The following CCDC196 variants were observed in gnomAD, a reference collection of about 807,000 sequenced individuals.
The protein encoded by CCDC196 is coiled-coil domain-containing protein 196.
At chr14:66,492,428 C>T (rs373697871) in intron 8 of CCDC196, among the ~76,000 whole-genome samples, 4 of 151,794 alleles carry the variant, frequency 2.6e-5, no homozygotes, top group South Asian at 4.2e-4. Context: ...CTCTGCCTCC[C>T]GGGTCCCAGT....
At chr14:66,492,636 G>A (rs373823106) in intron 8 of CCDC196, among the ~76,000 whole-genome samples, 190 of 152,156 alleles carry the variant, frequency 1.2e-3, no homozygotes, top group African/African-American at 4.1e-3. Flanking sequence ...CACCACGCCC[G>A]GCCTATCATC....
At chr14:66,495,979 A>G (rs946935312) in intron 8 of CCDC196, among the ~76,000 whole-genome samples, 3 of 152,142 alleles carry the variant, frequency 2.0e-5, no homozygotes, top group African/African-American at 7.2e-5. Context: ...TTCCTCCACA[A>G]TCCTTGTAGA....
At chr14:66,494,655 CA>C (rs2057620349) in intron 8 of CCDC196, 1 of 151,930 alleles carries the variant, frequency 6.6e-6, no homozygotes, top group East Asian at 1.9e-4. Context: ...ACACAAAAAA[CA>C]AGATTTTAAT....
Position 66,498,104 on chromosome 14 carries a change from C to G in CCDC196, c.716-5C>G. Reference sequence around the variant, plus strand: ...AGCTCTTATTTTCCTAATGTTTCCCCTTAGGTACTATGGGCATTACAACTA... The same window carrying G: ...AGCTCTTATTTTCCTAATGTTTCCCGTTAGGTACTATGGGCATTACAACTA... On this transcript the variant is annotated splice_region_variant and splice_polypyrimidine_tract_variant and intron_variant, in intron 8 of 9. Coordinates refer to ENST00000636229, the MANE Select transcript of CCDC196 (RefSeq NM_001351576.1). 1 of 410,776 alleles carries G rather than the reference C, an allele frequency of 2.4e-6. No individual in the cohort carries two copies. Among genetic ancestry groups the G allele is most frequent in the Non-Finnish European group, 4.4e-6 (1 of 225,312 alleles). The allele number at this position is 410,776 out of a possible 1,614,324, so 25.4% of individuals were successfully genotyped here.
intron 9 of CCDC196, 26 bp downstream of exon 9, chr14:66,498,193 C>A: frequency 2.4e-6 from 1 of 412,486 alleles, no homozygotes; most frequent in Non-Finnish European, 4.4e-6. Context: ...TTTAAACAAA[C>A]AAAAAATCGT....
intron 8 of CCDC196, chr14:66,494,682 A>G (rs936722132): frequency 2.6e-5 from 4 of 152,238 alleles, no homozygotes; most frequent in African/African-American, 9.6e-5. Flanking sequence ...AGAAAAATAC[A>G]TAAGCCTGAG....
chr14:66,487,834 C>A (rs1311708035), intron 2 of CCDC196, among the ~76,000 whole-genome samples: 1 of 152,112 alleles, frequency 6.6e-6, no homozygotes, highest in East Asian at 1.9e-4. Context: ...ATAAAGGGGG[C>A]AGAATTACCC....
At chr14:66,492,582 C>T (rs960876966) in intron 8 of CCDC196, among the ~76,000 whole-genome samples, 9 of 152,036 alleles carry the variant, frequency 5.9e-5, no homozygotes, top group Admixed American at 2.6e-4. Flanking sequence ...CCTCGTGATC[C>T]ACCTGCCTTG....
intron 4 of CCDC196, among the ~76,000 whole-genome samples, chr14:66,490,003 CT>C (rs796781941): frequency 3.3e-5 from 5 of 151,388 alleles, no homozygotes; most frequent in Non-Finnish European, 7.4e-5. Context: ...TGATCTCTGT[CT>C]TTTTTTTTCA....
chr14:66,496,666 C>G (rs1219712932), intron 8 of CCDC196: 2 of 211,416 alleles, frequency 9.5e-6, no homozygotes, highest in African/African-American at 4.6e-5. Context: ...TCTTAGAGAG[C>G]ACAGGTGCTA....
chr14:66,492,632 G>A (rs1001651768), intron 8 of CCDC196, among the ~76,000 whole-genome samples: 3 of 152,226 alleles, frequency 2.0e-5, no homozygotes, highest in Non-Finnish European at 2.9e-5. Context: ...GAGCCACCAC[G>A]CCCGGCCTAT....
intron 8 of CCDC196, among the ~76,000 whole-genome samples, chr14:66,494,209 T>A (rs376811566): frequency 6.6e-6 from 1 of 152,260 alleles, no homozygotes; most frequent in Non-Finnish European, 1.5e-5. Flanking sequence ...ATGTGTTAAA[T>A]TGATTCTGCA....
At chr14:66,488,593 G>T (rs991301779) in intron 3 of CCDC196, among the ~76,000 whole-genome samples, 2 of 152,016 alleles carry the variant, frequency 1.3e-5, no homozygotes, top group African/African-American at 2.4e-5. Context: ...TAAAAGAAAA[G>T]AAATAGTTTG....
chr14:66,491,652 G>A lies in CCDC196; in HGVS notation c.540G>A (p.Trp180Ter). The change falls in exon 7 of 10, where the codon TGG becomes TGA. Residue 180 changes from tryptophan to a stop codon, truncating the protein, a stop_gained. Transcript: ENST00000636229. LOFTEE classifies it high-confidence loss of function. ...RKEKQQRKME[W>*]VKYQEQNNIL... ...AAAAGCAACAGAGGAAAATGGAATG[G>A]GTCAAGTATCAGGAACAAAATAACA... 1 of 413,910 alleles carries A rather than the reference G, an allele frequency of 2.4e-6. No homozygotes were observed. The highest frequency in any genetic ancestry group is 4.4e-6 in the Non-Finnish European group (1 of 226,236). 25.6% of individuals were successfully genotyped at this position (413,910 alleles called of 1,614,324 possible).
intron 4 of CCDC196, among the ~76,000 whole-genome samples, chr14:66,489,500 A>G (rs2057488710): frequency 6.6e-6 from 1 of 152,142 alleles, no homozygotes. Context: ...TGCTCCATCT[A>G]AAGTAGGGCA....
chr14:66,496,315 C>T (rs1474662048), intron 8 of CCDC196: 1 of 456,130 alleles, frequency 2.2e-6, no homozygotes, highest in Non-Finnish European at 4.4e-6. Context: ...TGCTGGTTGG[C>T]TGAGTTGCAG....
chr14:66,488,238 G>A lies in CCDC196; in HGVS notation c.282G>A (p.Glu94=), dbSNP rs970760581. The A allele has an allele frequency of 1.8e-4, 74 of 413,010 alleles. No individual in the cohort carries two copies. Among genetic ancestry groups the A allele is most frequent in the African/African-American group, 1.5e-3 (72 of 48,632 alleles). The allele number at this position is 413,010 out of a possible 1,614,324, so 25.6% of individuals were successfully genotyped here. The part of the protein sequence containing the change: ...SSVMELLKEA[E]EMKQNLERKN... Reference sequence around the variant, plus strand: ...TCATGGAGCTCCTTAAGGAAGCAGAGGAGATGAAACAGAACTTGGTAAGAA... The same window carrying A: ...TCATGGAGCTCCTTAAGGAAGCAGAAGAGATGAAACAGAACTTGGTAAGAA... Residue 94 remains glutamate, a synonymous_variant, in exon 3 of 10, where the codon GAG becomes GAA. Coordinates refer to ENST00000636229, the MANE Select transcript of CCDC196 (RefSeq NM_001351576.1).
In CCDC196 at chr14:66,486,642, T is replaced by C. The variant is rs1218475339; in HGVS notation, c.51-15T>C. On this transcript the variant is annotated splice_polypyrimidine_tract_variant and intron_variant, in intron 1 of 9. Transcript: ENST00000636229. Reference sequence around the variant, plus strand: ...CCCAGGCTAAAGGCAGATATTATTGTGCCTCTTCCCACAGAAGTTCTAAAA... The same window carrying C: ...CCCAGGCTAAAGGCAGATATTATTGCGCCTCTTCCCACAGAAGTTCTAAAA... The C allele has an allele frequency of 2.4e-6, 1 of 413,446 alleles. No individual in the cohort carries two copies. Among genetic ancestry groups the C allele is most frequent in the East Asian group, 3.6e-5 (1 of 28,068 alleles). 25.6% of individuals were successfully genotyped at this position (413,446 alleles called of 1,614,324 possible).
At position 66,492,250 on chromosome 14, in the gene CCDC196, T is replaced by A. The variant is rs1415140907; in HGVS notation, c.715+56T>A. The A allele has an allele frequency of 9.7e-5, 40 of 412,446 alleles. No individual in the cohort carries two copies. The East Asian group carries it at 1.4e-3, about 14-fold the overall frequency. 25.5% of individuals were successfully genotyped at this position (412,446 alleles called of 1,614,324 possible). On this transcript the variant is annotated intron_variant, in intron 8 of 9. Coordinates refer to ENST00000636229, the MANE Select transcript of CCDC196 (RefSeq NM_001351576.1). ...AGGTTTTGTTTTGTTTATTTTATAT[T>A]GGAGACCTTTACTTGTAAAGTGAGC...
Sources: gnomAD v4.1 joint callset for allele counts (sites outside exome capture counted in the v4.1 genomes callset) on GRCh38, gnomAD v4.1.1 for gene constraint, MANE v1.5 for transcripts, NCBI Gene and HGNC (gene_info 2026-07-23, HGNC 2026-07-21) for gene names.